The following MYO3B variants were observed in gnomAD, a reference collection of about 807,000 sequenced individuals.
MYO3B encodes the protein myosin-IIIb.
MYO3B carries 156 observed loss-of-function variants against 174.6 expected under a neutral mutation model. The ratio of observed to expected loss-of-function variants is 0.89; its 90% CI spans 0.78 to 1.02. MYO3B has a LOEUF of 1.02. Among genes scored for constraint, MYO3B ranks in the 50% least tolerant of loss-of-function variants. The pLI is 0.00. For missense variants in MYO3B, 1,632 were observed against 1,639.4 expected (o/e 1.00, Z 0.08); for synonymous variants, 563 against 569.1 (o/e 0.99, Z 0.15).
intron 32 of MYO3B, among the ~76,000 whole-genome samples, chr2:170,631,869 G>C (rs527714108): frequency 2.0e-5 from 3 of 152,194 alleles, no homozygotes; most frequent in East Asian, 1.9e-4. Flanking sequence ...ATAAAACAGA[G>C]TTTAAACCAA....
intron 32 of MYO3B, among the ~76,000 whole-genome samples, chr2:170,636,959 T>TGTGTGC (rs1553546039): frequency 7.2e-6 from 1 of 139,760 alleles, no homozygotes; most frequent in Non-Finnish European, 1.5e-5. Context: ...CTTTTGTGCG[T>TGTGTGC]GTGTGTGTGT....
intron 32 of MYO3B, among the ~76,000 whole-genome samples, chr2:170,589,726 T>C (rs1693706868): frequency 6.6e-6 from 1 of 152,212 alleles, no homozygotes; most frequent in Non-Finnish European, 1.5e-5. Context: ...TAAGCTAAGG[T>C]TAATTTATTA....
chr2:170,254,547 C>T (rs923310640), intron 7 of MYO3B, among the ~76,000 whole-genome samples: 1 of 152,186 alleles, frequency 6.6e-6, no homozygotes, highest in Admixed American at 6.5e-5. Flanking sequence ...GTCCTACCTG[C>T]GTGTTTTGCT....
At chr2:170,601,945 G>A in intron 32 of MYO3B, 1 of 830,656 alleles carries the variant, frequency 1.2e-6, no homozygotes, top group East Asian at 2.4e-5. Context: ...AGGCCTCTTG[G>A]GTGCATTGGA....
At chr2:170,237,662 T>C (rs1435214205) in intron 7 of MYO3B, among the ~76,000 whole-genome samples, 3 of 152,224 alleles carry the variant, frequency 2.0e-5, no homozygotes, top group Non-Finnish European at 4.4e-5. Flanking sequence ...TCTTCCATCT[T>C]GGGAGAAGCC....
Position 170,383,755 on chromosome 2 carries a change from C to T in MYO3B, c.1231C>T (p.His411Tyr). 3.1e-6 allele frequency: 5 copies of T among 1,613,808 alleles called. No homozygotes were observed. Among genetic ancestry groups the T allele is most frequent in the Non-Finnish European group, 2.5e-6 (3 of 1,179,764 alleles). ...GGTGAAACGCGCCTCCAATCCCCCC[C>T]ACATATTTGCATCAGCAGATGCTGC... ...HGVKRASNPP[H>Y]IFASADAAYQ... is the part of the protein sequence containing the mutation. The change falls in exon 12 of 35, where the codon CAC becomes TAC. Residue 411 changes from histidine (H) to tyrosine (Y), a missense_variant. Coordinates refer to ENST00000408978, the MANE Select transcript of MYO3B (RefSeq NM_138995.5).
chr2:170,460,042 C>T (rs1217370747), intron 23 of MYO3B, among the ~76,000 whole-genome samples: 3 of 152,100 alleles, frequency 2.0e-5, no homozygotes, highest in Non-Finnish European at 1.5e-5. Flanking sequence ...GAGCCAGCTC[C>T]GCCCTCGGCC....
chr2:170,395,007 T>A (rs2094435696), intron 16 of MYO3B, among the ~76,000 whole-genome samples: 1 of 152,210 alleles, frequency 6.6e-6, no homozygotes, highest in Non-Finnish European at 1.5e-5. Context: ...TGTCACTAGT[T>A]CCCTGCAGGA....
chr2:170,639,277 T>C (rs941429570), intron 32 of MYO3B, among the ~76,000 whole-genome samples: 2 of 152,210 alleles, frequency 1.3e-5, no homozygotes, highest in Admixed American at 6.5e-5. Flanking sequence ...TGCCTGGCAT[T>C]GTGGGTCCCT....
chr2:170,379,898 C>T (rs922303237), intron 9 of MYO3B, among the ~76,000 whole-genome samples: 5 of 152,182 alleles, frequency 3.3e-5, no homozygotes, highest in Non-Finnish European at 7.3e-5. Flanking sequence ...TAAGATTTAA[C>T]TTAATAGGCT....
At chr2:170,251,593 C>T (rs981290700) in intron 7 of MYO3B, among the ~76,000 whole-genome samples, 2 of 152,118 alleles carry the variant, frequency 1.3e-5, no homozygotes, top group African/African-American at 4.8e-5. Flanking sequence ...GAGACAGACA[C>T]ATAGAGGTCC....
intron 6 of MYO3B, among the ~76,000 whole-genome samples, chr2:170,224,070 C>A (rs1461035980): frequency 1.3e-5 from 2 of 152,164 alleles, no homozygotes; most frequent in Non-Finnish European, 2.9e-5. Context: ...ATGGCCAGTG[C>A]CACATGCCAC....
At chr2:170,459,216 G>C (rs1684101676) in intron 23 of MYO3B, among the ~76,000 whole-genome samples, 1 of 152,194 alleles carries the variant, frequency 6.6e-6, no homozygotes, top group Non-Finnish European at 1.5e-5. Flanking sequence ...GCTGGCTCTG[G>C]CAGCCTGCTT....
At chr2:170,492,049 G>A (rs1293082463) in intron 25 of MYO3B, among the ~76,000 whole-genome samples, 3 of 136,468 alleles carry the variant, frequency 2.2e-5, no homozygotes, top group Admixed American at 7.7e-5. Flanking sequence ...ATGAGACTCC[G>A]TCTCAAAAAA....
At chr2:170,371,241 C>T (rs1235752145) in intron 9 of MYO3B, among the ~76,000 whole-genome samples, 4 of 127,796 alleles carry the variant, frequency 3.1e-5, no homozygotes, top group Non-Finnish European at 5.1e-5. Context: ...AAAAAAAAAA[C>T]CAAAACCTTT....
intron 32 of MYO3B, among the ~76,000 whole-genome samples, chr2:170,556,183 A>G (rs6433218): frequency 0.79 from 119,833 of 151,130 alleles, 48,086 homozygotes; most frequent in African/African-American, 0.87. Context: ...GCAACAGACC[A>G]AGACTCTGTC....
intron 32 of MYO3B, among the ~76,000 whole-genome samples, chr2:170,630,262 C>T (rs549140154): frequency 1.3e-5 from 2 of 152,320 alleles, no homozygotes; most frequent in Non-Finnish European, 2.9e-5. Flanking sequence ...ATATCCTGCA[C>T]TTGGCGCAGT....
chr2:170,649,116 T>TA (rs1698692655), intron 32 of MYO3B, among the ~76,000 whole-genome samples: 2 of 69,720 alleles, frequency 2.9e-5, no homozygotes, highest in East Asian at 3.7e-4. Flanking sequence ...TATAAAATAA[T>TA]ATATAATGTA....
chr2:170,574,539 G>A (rs1034748016), intron 32 of MYO3B, among the ~76,000 whole-genome samples: 34 of 152,218 alleles, frequency 2.2e-4, no homozygotes, highest in African/African-American at 7.9e-4. Flanking sequence ...TATTAATACT[G>A]TATCAAATAC....
Sources: gnomAD v4.1 joint callset for allele counts (sites outside exome capture counted in the v4.1 genomes callset) on GRCh38, gnomAD v4.1.1 for gene constraint, MANE v1.5 for transcripts, NCBI Gene and HGNC (gene_info 2026-07-23, HGNC 2026-07-21) for gene names.